PARP4: variants seen among roughly 807,000 people sequenced by gnomAD.
PARP4 encodes the protein poly(ADP-ribose) polymerase family member 4.
Under a neutral mutation model 187.7 loss-of-function variants are expected in PARP4, and 120 were observed. That is an observed-to-expected ratio of 0.64 (90% CI 0.55 to 0.74). PARP4 has a LOEUF of 0.74. Among genes scored for constraint, PARP4 ranks in the 30% least tolerant of loss-of-function variants. PARP4 has a pLI of 0.00. For missense variants in PARP4, 1,836 were observed against 2,070.5 expected (o/e 0.89, Z 2.20); for synonymous variants, 654 against 740.9 (o/e 0.88, Z 1.90).
At chr13:24,485,755 T>C (rs1005542962) in intron 11 of PARP4, among the ~76,000 whole-genome samples, 1 of 152,250 alleles carries the variant, frequency 6.6e-6, no homozygotes, top group Non-Finnish European at 1.5e-5. Flanking sequence ...TAGATACACA[T>C]GGAAGACTCA....
intron 33 of PARP4, among the ~76,000 whole-genome samples, chr13:24,423,465 AG>A (rs1565983056): frequency 6.6e-6 from 1 of 151,620 alleles, no homozygotes; most frequent in Non-Finnish European, 1.5e-5. Flanking sequence ...TGGGAGGTGG[AG>A]GTTGCAGTGA....
rs572320428 is a variant in PARP4, at chr13:24,459,392, G to T, written c.2299-82C>A. The stretch of plus-strand genomic sequence containing the variant: ...ACTAAAGTGAATGTAATCTTGGCAA[G>T]GCCACAACTGTCAGCAAGACAGCTG... On this transcript the variant is annotated intron_variant, in intron 18 of 33. Coordinates refer to ENST00000381989, the MANE Select transcript of PARP4 (RefSeq NM_006437.4). 21 of 1,277,230 alleles carry T rather than the reference G, an allele frequency of 1.6e-5. No individual in the cohort carries two copies. In the African/African-American group the frequency reaches 3.0e-4, roughly 18 times the overall value. 79.1% of individuals were successfully genotyped at this position (1,277,230 alleles called of 1,614,324 possible). A position where few individuals can be genotyped will look rare whatever the true frequency, so the allele number is the denominator to read the frequency against.
At chr13:24,491,171 A>C (rs1388107286) in intron 9 of PARP4, among the ~76,000 whole-genome samples, 3 of 150,134 alleles carry the variant, frequency 2.0e-5, no homozygotes, top group Non-Finnish European at 4.4e-5. Context: ...ACCAGGCTGG[A>C]GTGCAGTGGC....
At chr13:24,458,234 C>T (rs373734847) in intron 20 of PARP4, among the ~76,000 whole-genome samples, 27 of 151,970 alleles carry the variant, frequency 1.8e-4, no homozygotes, top group African/African-American at 5.8e-4. Flanking sequence ...CTCAGCCTCC[C>T]GAGTAGCTGG....
chr13:24,428,843 A>T (rs1438013904), intron 32 of PARP4, among the ~76,000 whole-genome samples: 1 of 152,134 alleles, frequency 6.6e-6, no homozygotes, highest in East Asian at 1.9e-4. Flanking sequence ...TAGTGCTTGG[A>T]GTTCTGCTGA....
At chr13:24,504,194 T>C (rs1241743345) in intron 1 of PARP4, among the ~76,000 whole-genome samples, 1 of 152,056 alleles carries the variant, frequency 6.6e-6, no homozygotes, top group African/African-American at 2.4e-5. Context: ...TTATGTGGAC[T>C]TCTATTAGGC....
intron 12 of PARP4, 38 bp downstream of exon 12, chr13:24,484,615 T>C (rs1873453763): frequency 2.3e-6 from 3 of 1,317,032 alleles, no homozygotes; most frequent in Admixed American, 3.4e-5. Flanking sequence ...ACACAGCAAG[T>C]ATTCAGTAAC....
At chr13:24,472,766 C>T (rs778723819) in intron 15 of PARP4, among the ~76,000 whole-genome samples, 26 of 152,164 alleles carry the variant, frequency 1.7e-4, no homozygotes, top group Admixed American at 6.5e-4. Context: ...ATTAGATAAC[C>T]CTCCTGTGAT....
At chr13:24,508,170 T>C (rs1869810826) in intron 1 of PARP4, among the ~76,000 whole-genome samples, 3 of 144,004 alleles carry the variant, frequency 2.1e-5, no homozygotes, top group South Asian at 4.8e-4. Context: ...TCTCTGACAA[T>C]TAAAAACAAC....
chr13:24,481,336 C>T (rs1873268775), intron 12 of PARP4, among the ~76,000 whole-genome samples: 1 of 152,254 alleles, frequency 6.6e-6, no homozygotes, highest in Non-Finnish European at 1.5e-5. Flanking sequence ...CCTGCTAACA[C>T]AACTTACAAT....
intron 31 of PARP4, 145 bp from the exon 32 acceptor site, chr13:24,431,621 A>G (rs1870340626): frequency 1.6e-6 from 1 of 622,318 alleles, no homozygotes; most frequent in Non-Finnish European, 2.8e-6. Flanking sequence ...CCCAAACCTC[A>G]GCACCACACG....
chr13:24,453,736 C>A, intron 22 of PARP4, 82 bp from the exon 23 acceptor site: 1 of 786,296 alleles, frequency 1.3e-6, no homozygotes, highest in South Asian at 1.4e-5. Flanking sequence ...TTATTTCATA[C>A]CATCACGGCT....
intron 17 of PARP4, among the ~76,000 whole-genome samples, chr13:24,464,107 T>A (rs570337078): frequency 5.9e-5 from 9 of 152,262 alleles, no homozygotes; most frequent in Non-Finnish European, 1.0e-4. Flanking sequence ...GAAGGACCTC[T>A]TCAAGGAGAA....
At position 24,434,644 on chromosome 13, in the gene PARP4, A is replaced by G. The variant is rs1415805072; in HGVS notation, c.4497T>C (p.Cys1499=). Residue 1499 remains cysteine (C), a synonymous_variant, in exon 31 of 34, where the codon TGT becomes TGC. Transcript: ENST00000381989. The part of the protein sequence containing the change: ...SQSRTTPVDL[C]LLEESVGSLE... ...GACTGCCTACTGATTCTTCTAGAAGACAGAGATCTACTGGGGTAGTCCGGG... is the reference window on the plus strand; with the variant it reads ...GACTGCCTACTGATTCTTCTAGAAGGCAGAGATCTACTGGGGTAGTCCGGG... 6.2e-7 allele frequency: 1 copy of G among 1,613,530 alleles called. No homozygotes were observed. The highest frequency in any genetic ancestry group is 1.1e-5 in the South Asian group (1 of 91,028).
chr13:24,435,462 A>G lies in PARP4; in HGVS notation c.3679T>C (p.Ser1227Pro). Residue 1227 changes from serine (S) to proline (P), a missense_variant, in exon 31 of 34, where the codon TCC (serine) becomes CCC (proline). By Grantham distance (74) the Ser-to-Pro change is moderately conservative. Around this residue, in one of 8 missense-constraint regions of PARP4, gnomAD observed 450 missense variants for 439.2 expected, o/e 1.02. Transcript: ENST00000381989. ...EAVRNQSLLA[S>P]SEWPELRLSK... The stretch of plus-strand genomic sequence containing the variant: ...AAACGTAATTCTGGCCACTCAGAGG[A>G]TGCTAAAAGAGACTGCCCAGAAGAC... 1 of 1,589,760 alleles carries G rather than the reference A, an allele frequency of 6.3e-7. No homozygotes were observed. The highest frequency in any genetic ancestry group is 8.5e-7 in the Non-Finnish European group (1 of 1,173,182).
At chr13:24,451,443 G>A (rs965464546) in intron 24 of PARP4, among the ~76,000 whole-genome samples, 5 of 152,310 alleles carry the variant, frequency 3.3e-5, no homozygotes, top group African/African-American at 9.6e-5. Flanking sequence ...GAGCTGGCTT[G>A]AGTATAGCAG....
intron 8 of PARP4, among the ~76,000 whole-genome samples, chr13:24,493,366 G>C (rs532557002): frequency 1.5e-4 from 23 of 152,300 alleles, no homozygotes; most frequent in African/African-American, 5.3e-4. Flanking sequence ...GCCTGCCTTC[G>C]ATCAGCTCTT....
Position 24,501,845 on chromosome 13 carries a change from A to G in PARP4, c.133-11T>C, listed in dbSNP as rs1287507500. 1.3e-6 allele frequency: 2 copies of G among 1,522,178 alleles called. No individual in the cohort carries two copies. The highest frequency in any genetic ancestry group is 9.1e-7 in the Non-Finnish European group (1 of 1,100,420). 94.3% of individuals were successfully genotyped at this position (1,522,178 alleles called of 1,614,324 possible). ...GATTATATGTGTGCACTAAGGAAAA[A>G]AAGAGTCAATCCATTATGCATCAAG... On this transcript the variant is annotated splice_polypyrimidine_tract_variant and intron_variant, in intron 2 of 33. Transcript: ENST00000381989.
chr13:24,490,656 C>G lies in PARP4; in HGVS notation c.1214+12G>C. ...ATTATAACAGATCCTGAGATATTTC[C>G]TTTATGCTTACCTGTGATGATTCTG... is the stretch of plus-strand genomic sequence containing the variant. On this transcript the variant is annotated intron_variant, in intron 10 of 33. Coordinates refer to ENST00000381989, the MANE Select transcript of PARP4 (RefSeq NM_006437.4). 6.2e-7 allele frequency: 1 copy of G among 1,603,602 alleles called. No homozygotes were observed. Among genetic ancestry groups the G allele is most frequent in the Non-Finnish European group, 8.5e-7 (1 of 1,171,386 alleles).
Sources: allele counts gnomAD v4.1 joint callset (sites outside exome capture counted in the v4.1 genomes callset), GRCh38; gene constraint gnomAD v4.1.1; regional missense constraint gnomAD v4.1.1; transcripts MANE v1.5; gene names NCBI Gene and HGNC (gene_info 2026-07-23, HGNC 2026-07-21).